Variants in ASXL3 observed in about 807,000 individuals in gnomAD.
The protein encoded by ASXL3 is putative Polycomb group protein ASXL3.
Under a neutral mutation model 170.6 loss-of-function variants are expected in ASXL3, and 34 were observed. That is an observed-to-expected ratio of 0.20 (90% CI 0.15 to 0.27). The LOEUF (loss-of-function observed/expected upper bound fraction) is 0.27, where lower values mean the gene tolerates loss of function less well. Among genes scored for constraint, ASXL3 ranks in the 10% least tolerant of loss-of-function variants. The pLI, the probability that ASXL3 is intolerant of heterozygous loss-of-function variation, is 1.00. For missense variants in ASXL3, 2,592 were observed against 2,695.3 expected (o/e 0.96, Z 0.85); for synonymous variants, 1,002 against 989.1 (o/e 1.01, Z -0.24).
chr18:33,698,388 T>G (rs1369693245), intron 8 of ASXL3, among the ~76,000 whole-genome samples: 2 of 152,120 alleles, frequency 1.3e-5, no homozygotes, highest in Non-Finnish European at 1.5e-5. Context: ...TGTTTTGTTT[T>G]AGCAGCACAA....
chr18:33,612,786 G>A (rs2065357522), intron 2 of ASXL3, among the ~76,000 whole-genome samples: 1 of 152,090 alleles, frequency 6.6e-6, no homozygotes. Context: ...CCGCTGCAAT[G>A]TTTTGCCTAG....
intron 2 of ASXL3, among the ~76,000 whole-genome samples, chr18:33,617,108 A>T: frequency 6.6e-6 from 1 of 152,132 alleles, no homozygotes; most frequent in Non-Finnish European, 1.5e-5. Context: ...TATGCTTAAC[A>T]CAGTACCATG....
chr18:33,609,218 A>G (rs1462087437), intron 2 of ASXL3, among the ~76,000 whole-genome samples: 1 of 151,962 alleles, frequency 6.6e-6, no homozygotes, highest in East Asian at 1.9e-4. Flanking sequence ...GGAAATATTT[A>G]TGACATTTAG....
rs1314481649 is a variant in ASXL3 at position 33,713,241 on chromosome 18, TTGTTTTG to T, written c.880-18725_880-18719del. 6.6e-3 allele frequency among the ~76,000 whole-genome samples: 434 copies of T among 65,472 alleles called. 98 individuals are homozygous for T. The highest frequency in any genetic ancestry group is 0.015 in the African/African-American group (188 of 12,348). 43.0% of individuals were successfully genotyped at this position (65,472 alleles called of 152,430 possible). On this transcript the variant is annotated intron_variant, in intron 8 of 11. Coordinates refer to ENST00000269197, the MANE Select transcript of ASXL3 (RefSeq NM_030632.3). ...CTACCACAAGAAGGTTTTTTTTGTT[TTGTTTTG>T]TTTTTTTTTTTTTTTTTTTTTTTTT... is the stretch of plus-strand genomic sequence containing the variant.
chr18:33,703,078 G>T (rs2066902864), intron 8 of ASXL3, among the ~76,000 whole-genome samples: 1 of 152,040 alleles, frequency 6.6e-6, no homozygotes, highest in Non-Finnish European at 1.5e-5. Context: ...GCTCTTCTTA[G>T]TTATCTCTTT....
intron 1 of ASXL3, among the ~76,000 whole-genome samples, chr18:33,587,089 A>G (rs1247516655): frequency 6.6e-6 from 1 of 152,164 alleles, no homozygotes; most frequent in African/African-American, 2.4e-5. Context: ...TTTTTCAAGA[A>G]CAGATACAAT....
At chr18:33,581,862 CTG>C (rs1480729576) in intron 1 of ASXL3, among the ~76,000 whole-genome samples, 5 of 152,144 alleles carry the variant, frequency 3.3e-5, no homozygotes, top group South Asian at 4.1e-4. Flanking sequence ...TACAATTTGC[CTG>C]TGTTTTCAGG....
rs1285429245 is a variant in ASXL3, at chr18:33,743,705, A to C, written c.3857A>C (p.Gln1286Pro). 2 of 1,613,920 alleles carry C rather than the reference A, an allele frequency of 1.2e-6. No homozygotes were observed. The highest frequency in any genetic ancestry group is 2.2e-5 in the East Asian group (1 of 44,880). Residue 1286 changes from glutamine (Q) to proline (P), a missense_variant, in exon 12 of 12, where the codon CAG (glutamine) becomes CCG (proline). By Grantham distance (76) the Gln-to-Pro change is moderately conservative. Coordinates refer to ENST00000269197, the MANE Select transcript of ASXL3 (RefSeq NM_030632.3). Reference protein sequence around the residue: ...ACNISMLKTIQGTDTPCIAII... With the variant: ...ACNISMLKTIPGTDTPCIAII... ...AATATAAGCATGTTAAAAACCATCC[A>C]GGGAACTGACACTCCATGCATAGCC... is the stretch of plus-strand genomic sequence containing the variant.
chr18:33,719,754 C>T (rs528719784), intron 8 of ASXL3, among the ~76,000 whole-genome samples: 52 of 152,048 alleles, frequency 3.4e-4, no homozygotes, highest in African/African-American at 1.2e-3. Flanking sequence ...GTCCCTTCCA[C>T]CATGGAGGCA....
At chr18:33,608,295 C>G (rs1008227098) in intron 2 of ASXL3, among the ~76,000 whole-genome samples, 7 of 151,994 alleles carry the variant, frequency 4.6e-5, no homozygotes, top group Non-Finnish European at 7.4e-5. Flanking sequence ...CCCAACTACT[C>G]TTGCCTGTGG....
At chr18:33,644,806 AAGAG>A in intron 2 of ASXL3, 84 bp from the exon 3 acceptor site, 1 of 744,024 alleles carries the variant, frequency 1.3e-6, no homozygotes. Context: ...TATTTTTTTT[AAGAG>A]AGAGCGAGCG....
rs558976937 is a variant in ASXL3, at chr18:33,624,743, G to T, written c.137+17067G>T. On this transcript the variant is annotated intron_variant, in intron 2 of 11. Coordinates refer to ENST00000269197, the MANE Select transcript of ASXL3 (RefSeq NM_030632.3). Reference sequence around the variant, plus strand: ...ATGGAAATTTGGAGAAGAGACTTTAGGGAGCAAAACCAATTTGCTGTCTCT... The same window carrying T: ...ATGGAAATTTGGAGAAGAGACTTTATGGAGCAAAACCAATTTGCTGTCTCT... Among the ~76,000 whole-genome samples, 178 of 152,242 alleles carry T rather than the reference G, an allele frequency of 1.2e-3. 1 individual carries two copies. Among genetic ancestry groups the T allele is most frequent in the South Asian group, 2.3e-3 (11 of 4,830 alleles).
At chr18:33,602,286 G>A (rs1472052693) in intron 1 of ASXL3, among the ~76,000 whole-genome samples, 3 of 151,920 alleles carry the variant, frequency 2.0e-5, no homozygotes, top group African/African-American at 7.3e-5. Context: ...AAAAGGTAGG[G>A]GACAGCTATA....
chr18:33,723,656 C>G (rs2067298268), intron 8 of ASXL3, among the ~76,000 whole-genome samples: 2 of 152,108 alleles, frequency 1.3e-5, no homozygotes, highest in African/African-American at 4.8e-5. Flanking sequence ...ATTCCATAAG[C>G]TTAGTTGATA....
At chr18:33,689,663 G>C (rs1477763340) in intron 8 of ASXL3, among the ~76,000 whole-genome samples, 3 of 152,192 alleles carry the variant, frequency 2.0e-5, no homozygotes, top group Non-Finnish European at 4.4e-5. Context: ...CTTGCATCCT[G>C]TTAGGTGGCA....
chr18:33,626,125 C>T (rs2065598998), intron 2 of ASXL3, among the ~76,000 whole-genome samples: 1 of 152,018 alleles, frequency 6.6e-6, no homozygotes, highest in Admixed American at 6.6e-5. Flanking sequence ...AGTGAATTCT[C>T]TGGTTCAACT....
In ASXL3 at chr18:33,645,898, G is replaced by A. The variant is rs193067501; in HGVS notation, c.247-347G>A. ...TGCAATTTTTCCATTGCTTTTTGTA[G>A]CAAGTTGGGTATTTAAGTAACTGAT... On this transcript the variant is annotated intron_variant, in intron 3 of 11. Transcript: ENST00000269197. Among the ~76,000 whole-genome samples, 503 of 151,882 alleles carry A rather than the reference G, an allele frequency of 3.3e-3. 1 individual carries two copies. The highest frequency in any genetic ancestry group is 5.6e-3 in the Non-Finnish European group (380 of 67,900).
intron 8 of ASXL3, among the ~76,000 whole-genome samples, chr18:33,723,393 A>T (rs1219656140): frequency 6.6e-6 from 1 of 152,200 alleles, no homozygotes; most frequent in Non-Finnish European, 1.5e-5. Context: ...GTTGATTCTG[A>T]TACTTATAGA....
chr18:33,681,237 C>T (rs995131740), intron 7 of ASXL3, among the ~76,000 whole-genome samples: 1 of 152,020 alleles, frequency 6.6e-6, no homozygotes, highest in Non-Finnish European at 1.5e-5. Flanking sequence ...TTATTTTTTA[C>T]AATGAATGTT....
Sources: allele counts gnomAD v4.1 joint callset (sites outside exome capture counted in the v4.1 genomes callset), GRCh38; gene constraint gnomAD v4.1.1; transcripts MANE v1.5; gene names NCBI Gene and HGNC (gene_info 2026-07-23, HGNC 2026-07-21).